LRRIQ3: variants seen among roughly 807,000 people sequenced by gnomAD.
The protein encoded by LRRIQ3 is leucine rich repeats and IQ motif containing 3, also known as leucine-rich repeat and IQ domain-containing protein 3.
A neutral mutation model predicts 59.3 loss-of-function variants in LRRIQ3; 75 were observed. That is an observed-to-expected ratio of 1.26 (90% CI 1.05 to 1.53). The LOEUF (loss-of-function observed/expected upper bound fraction) is 1.53, where lower values mean the gene tolerates loss of function less well. Ranked by LOEUF, LRRIQ3 falls within the 40% of genes most tolerant of loss-of-function variation. The probability of loss-of-function intolerance (pLI) is 0.00; values close to 1 mark genes in which losing one functional copy is unlikely to be tolerated. For synonymous variants in LRRIQ3, 250 were observed against 231.3 expected (o/e 1.08, Z -0.73); for missense variants, 831 against 710.0 (o/e 1.17, Z -1.94).
chr1:74,113,683 T>G (rs1646735562), intron 4 of LRRIQ3, among the ~76,000 whole-genome samples: 1 of 151,944 alleles, frequency 6.6e-6, no homozygotes, highest in Non-Finnish European at 1.5e-5. Flanking sequence ...ATCCAGAAAA[T>G]ATGATCTTTC....
At chr1:74,050,975 A>G (rs1419944528) in intron 6 of LRRIQ3, among the ~76,000 whole-genome samples, 1 of 152,228 alleles carries the variant, frequency 6.6e-6, no homozygotes, top group African/African-American at 2.4e-5. Context: ...GATCACCATA[A>G]TAAAGAATAT....
At chr1:74,149,237 T>C (rs1432808746) in intron 4 of LRRIQ3, among the ~76,000 whole-genome samples, 1 of 152,174 alleles carries the variant, frequency 6.6e-6, no homozygotes, top group Non-Finnish European at 1.5e-5. Context: ...CTCTGGGAAA[T>C]TTACGTAAGA....
At chr1:74,162,681 T>TTTAGATTCTCTAAA (rs1553172765) in intron 3 of LRRIQ3, among the ~76,000 whole-genome samples, 1 of 151,820 alleles carries the variant, frequency 6.6e-6, no homozygotes, top group Non-Finnish European at 1.5e-5. Context: ...TAAATGCATA[T>TTTAGATTCTCTAAA]TGTACTTATA....
At chr1:74,074,921 G>C (rs1195523115) in intron 5 of LRRIQ3, 131 bp from the exon 6 acceptor site, 1 of 406,922 alleles carries the variant, frequency 2.5e-6, no homozygotes, top group East Asian at 4.3e-5. Flanking sequence ...AACCTGTGAG[G>C]TAGGCAGGGT....
At chr1:74,043,734 G>A (rs949983773) in intron 6 of LRRIQ3, among the ~76,000 whole-genome samples, 1 of 151,988 alleles carries the variant, frequency 6.6e-6, no homozygotes. Context: ...CTTAAGTAGG[G>A]TTCTAACAAC....
At chr1:74,108,617 G>C (rs1404892192) in intron 5 of LRRIQ3, among the ~76,000 whole-genome samples, 1 of 151,728 alleles carries the variant, frequency 6.6e-6, no homozygotes, top group Non-Finnish European at 1.5e-5. Context: ...CAAGCAGAGA[G>C]CCACACATGA....
intron 6 of LRRIQ3, among the ~76,000 whole-genome samples, chr1:74,072,156 T>C (rs1464648160): frequency 6.6e-6 from 1 of 152,126 alleles, no homozygotes; most frequent in East Asian, 1.9e-4. Flanking sequence ...GTTGGAATTA[T>C]GGTAATAGGT....
At chr1:74,141,729 T>C (rs1647263043) in intron 4 of LRRIQ3, among the ~76,000 whole-genome samples, 1 of 151,812 alleles carries the variant, frequency 6.6e-6, no homozygotes, top group Admixed American at 6.6e-5. Context: ...AAATTATGAG[T>C]TATATAAAAC....
chr1:74,038,736 A>G (rs1487593065), intron 7 of LRRIQ3, among the ~76,000 whole-genome samples: 2 of 152,184 alleles, frequency 1.3e-5, no homozygotes, highest in African/African-American at 4.8e-5. Context: ...GAGGGACTTG[A>G]CCATTGAAAT....
rs143359773 is a variant in LRRIQ3 at position 74,182,817 on chromosome 1, G to C, written c.294C>G (p.Asn98Lys). Residue 98 changes from asparagine (N) to lysine (K), a missense_variant, in exon 3 of 8, where the codon AAC becomes AAG. Physicochemically the swap from Asn to Lys is moderately conservative, Grantham distance 94. Transcript: ENST00000354431. ...PNTKFWNGLKNLKLLYLHDNG... is the reference protein window; with the variant it reads ...PNTKFWNGLKKLKLLYLHDNG... ...TGTCATGAAGATAGAGTAGTTTTAG[G>C]TTCTTCAATCCATTCCAAAATTTGG... is the stretch of plus-strand genomic sequence containing the variant. The C allele has an allele frequency of 4.4e-6, 7 of 1,586,812 alleles. No homozygotes were observed. Among genetic ancestry groups the C allele is most frequent in the African/African-American group, 1.3e-5 (1 of 74,300 alleles).
chr1:74,046,660 C>A (rs1213472448), intron 6 of LRRIQ3, among the ~76,000 whole-genome samples: 1 of 152,056 alleles, frequency 6.6e-6, no homozygotes, highest in Non-Finnish European at 1.5e-5. Context: ...AGTGAACAGG[C>A]AACCTATAGA....
Position 74,041,910 on chromosome 1 carries a change from C to T in LRRIQ3, c.1021G>A (p.Val341Met). The T allele has an allele frequency of 6.2e-7, 1 of 1,604,928 alleles. No individual in the cohort carries two copies. Among genetic ancestry groups the T allele is most frequent in the South Asian group, 1.1e-5 (1 of 90,324 alleles). The change falls in exon 7 of 8, where the codon GTG (valine) becomes ATG (methionine). Residue 341 changes from valine (V) to methionine (M), a missense_variant. Physicochemically the swap from Val to Met is conservative, Grantham distance 21. Transcript: ENST00000354431. ...QKGQESEDEI[V>M]DEKLDTSFRI... The stretch of plus-strand genomic sequence containing the variant: ...AAACTGGTATCCAATTTTTCATCCA[C>T]AATTTCATCTTCAGACTCCTGACCT...
intron 6 of LRRIQ3, among the ~76,000 whole-genome samples, chr1:74,054,375 G>GGTGGGGAGGATAGGATGA (rs1654460008): frequency 2.0e-5 from 3 of 152,248 alleles, no homozygotes; most frequent in Admixed American, 6.5e-5. Flanking sequence ...CCAGGGATAA[G>GGTGGGGAGGATAGGATGA]GTGGGGAGGA....
chr1:74,164,571 T>C (rs1014461709), intron 3 of LRRIQ3, among the ~76,000 whole-genome samples: 3 of 151,520 alleles, frequency 2.0e-5, no homozygotes, highest in Non-Finnish European at 3.0e-5. Context: ...AGCAAACAAA[T>C]ACATAGAGTT....
chr1:74,180,881 C>T lies in LRRIQ3; in HGVS notation c.573+1657G>A, dbSNP rs977375727. 7.1e-6 allele frequency: 9 copies of T among 1,265,424 alleles called. No individual in the cohort carries two copies. The African/African-American group carries it at 1.0e-4, about 15-fold the overall frequency. The allele number at this position is 1,265,424 out of a possible 1,614,324, so 78.4% of individuals were successfully genotyped here. On this transcript the variant is annotated intron_variant, in intron 3 of 7. Coordinates refer to ENST00000354431, the MANE Select transcript of LRRIQ3 (RefSeq NM_001105659.2). ...CTAGCTAATGTAGCCCAAATCTCTA[C>T]CCCTTTCAGTCTGTGTTAATGCCTT...
chr1:74,144,952 T>A (rs1050367614), intron 4 of LRRIQ3, among the ~76,000 whole-genome samples: 3 of 152,026 alleles, frequency 2.0e-5, no homozygotes, highest in Non-Finnish European at 2.9e-5. Context: ...AAATTAAATT[T>A]AAAATATTTT....
chr1:74,073,541 C>A (rs912837334), intron 6 of LRRIQ3, among the ~76,000 whole-genome samples: 8 of 150,668 alleles, frequency 5.3e-5, no homozygotes, highest in Non-Finnish European at 1.2e-4. Flanking sequence ...AACAAACAAA[C>A]AAAATAAAAA....
intron 6 of LRRIQ3, 99 bp from the exon 7 acceptor site, chr1:74,042,032 T>A: frequency 8.4e-7 from 1 of 1,193,974 alleles, no homozygotes; most frequent in Non-Finnish European, 1.1e-6. Context: ...AACCTTTTAT[T>A]TACTTTACTA....
Position 74,174,548 on chromosome 1 carries a change from A to AT in LRRIQ3, c.573+7989dup, listed in dbSNP as rs34076332. ...CAGGCACCTGCCATCATGCCTGGCT[A>AT]TTTTTTTTTTTTTTTTTGTATTTTT... is the stretch of plus-strand genomic sequence containing the variant. On this transcript the variant is annotated intron_variant, in intron 3 of 7. Coordinates refer to ENST00000354431, the MANE Select transcript of LRRIQ3 (RefSeq NM_001105659.2). 3.5e-3 allele frequency among the ~76,000 whole-genome samples: 468 copies of AT among 134,650 alleles called. 5 individuals are homozygous for AT. The highest frequency in any genetic ancestry group is 8.5e-3 in the African/African-American group (308 of 36,240). The allele number at this position is 134,650 out of a possible 152,430, so 88.3% of individuals were successfully genotyped here.
Sources: allele counts gnomAD v4.1 joint callset (sites outside exome capture counted in the v4.1 genomes callset), GRCh38; gene constraint gnomAD v4.1.1; transcripts MANE v1.5; gene names NCBI Gene and HGNC (gene_info 2026-07-23, HGNC 2026-07-21).